Variants in INPP5A observed in about 807,000 individuals in gnomAD.
The protein encoded by INPP5A is 43 kDa inositol polyphosphate 5-phophatase.
Under a neutral mutation model 65.2 loss-of-function variants are expected in INPP5A, and 14 were observed. The ratio of observed to expected loss-of-function variants is 0.21; its 90% CI spans 0.14 to 0.34. The LOEUF is 0.34. INPP5A is among the 10% of genes least tolerant of loss of function. The pLI is 1.00. For synonymous variants in INPP5A, 207 were observed against 208.3 expected, an observed-to-expected ratio of 0.99 and a Z score of 0.05; for missense variants, 431 against 545.6, an observed-to-expected ratio of 0.79 and a Z score of 2.09.
chr10:132,752,715 G>A lies in INPP5A; in HGVS notation c.903+2870G>A, dbSNP rs899043002. Among the ~76,000 whole-genome samples, 12 of 151,120 alleles carry A rather than the reference G, an allele frequency of 7.9e-5. No homozygotes were observed. The South Asian group carries it at 2.5e-3, about 32-fold the overall frequency. The stretch of plus-strand genomic sequence containing the variant: ...ATGGAGGGGGTGCGGCGTGGAGGCG[G>A]TGCGGCATGGAGGGGTGTGTCTAGA... On this transcript the variant is annotated intron_variant, in intron 11 of 15. Coordinates refer to ENST00000368594, the MANE Select transcript of INPP5A (RefSeq NM_005539.5).
intron 11 of INPP5A, 120 bp from the exon 12 acceptor site, chr10:132,765,650 TGGC>T: frequency 1.5e-6 from 1 of 672,916 alleles, no homozygotes; most frequent in South Asian, 1.7e-5. Context: ...GTGACAGATG[TGGC>T]GGCTCTGGGA....
chr10:132,731,658 CTGGGAGTGGGGG>C (rs1846088543), intron 9 of INPP5A, among the ~76,000 whole-genome samples: 1 of 152,196 alleles, frequency 6.6e-6, no homozygotes, highest in South Asian at 2.1e-4. Context: ...GTTGCATCTG[CTGGGAGTGGGGG>C]CTCTCCAGCC....
rs552569495 is a variant in INPP5A, at chr10:132,651,083, C to T, written c.306+578C>T. Among the ~76,000 whole-genome samples the T allele has an allele frequency of 1.1e-3, 174 of 152,240 alleles. No individual in the cohort carries two copies. Among genetic ancestry groups the T allele is most frequent in the African/African-American group, 2.8e-3 (117 of 41,554 alleles). On this transcript the variant is annotated intron_variant, in intron 4 of 15. Coordinates refer to ENST00000368594, the MANE Select transcript of INPP5A (RefSeq NM_005539.5). This position sits in a 1 kb window ranked among gnomAD's most constrained non-coding sequence, Gnocchi z 5.0. Reference sequence around the variant, plus strand: ...CACATGAGAGGGTGGCCCTGGTGGACGTGGCAGCCACAGAGATACAGGCAC... The same window carrying T: ...CACATGAGAGGGTGGCCCTGGTGGATGTGGCAGCCACAGAGATACAGGCAC...
At chr10:132,645,737 C>G in intron 2 of INPP5A, 131 bp from the exon 3 acceptor site, 1 of 621,236 alleles carries the variant, frequency 1.6e-6, no homozygotes, top group East Asian at 2.8e-5. Context: ...AACCCATGGT[C>G]GCAGACATGG....
chr10:132,705,261 G>A lies in INPP5A; in HGVS notation c.475-3052G>A, dbSNP rs1193467042. On this transcript the variant is annotated intron_variant, in intron 6 of 15. Coordinates refer to ENST00000368594, the MANE Select transcript of INPP5A (RefSeq NM_005539.5). The surrounding 1 kb of genome is among the most constrained non-coding windows in gnomAD (Gnocchi z 4.9). ...AAATGGCCTCCCCGAGAGAGGAGGC[G>A]GACATGTTTGGAATCAGAGACAAGT... Among the ~76,000 whole-genome samples the A allele has an allele frequency of 6.6e-6, 1 of 152,192 alleles. No homozygotes were observed. Among genetic ancestry groups the A allele is most frequent in the Non-Finnish European group, 1.5e-5 (1 of 68,040 alleles).
intron 1 of INPP5A, among the ~76,000 whole-genome samples, chr10:132,564,846 C>T (rs2071253817): frequency 6.6e-6 from 1 of 152,058 alleles, no homozygotes; most frequent in Non-Finnish European, 1.5e-5. Flanking sequence ...CTTATTCATG[C>T]AGCACGTGTC....
chr10:132,583,445 G>A (rs1288010320), intron 1 of INPP5A, among the ~76,000 whole-genome samples: 1 of 152,196 alleles, frequency 6.6e-6, no homozygotes, highest in Middle Eastern at 3.4e-3. Flanking sequence ...CGGGTGAGTC[G>A]GCGTGGGGAG....
In INPP5A at chr10:132,575,379, C is replaced by A. The variant is rs995196438; in HGVS notation, c.76-32536C>A. 1.2e-4 allele frequency among the ~76,000 whole-genome samples: 18 copies of A among 152,310 alleles called. No homozygotes were observed. The highest frequency in any genetic ancestry group is 3.9e-4 in the African/African-American group (16 of 41,540). ...ATGTGGCTAGCCTGCTCCCAGCCCCCCGCAGCTCACAGGGTCAGGATGGGA... is the reference window on the plus strand; with the variant it reads ...ATGTGGCTAGCCTGCTCCCAGCCCCACGCAGCTCACAGGGTCAGGATGGGA... On this transcript the variant is annotated intron_variant, in intron 1 of 15. Coordinates refer to ENST00000368594, the MANE Select transcript of INPP5A (RefSeq NM_005539.5). This position sits in a 1 kb window ranked among gnomAD's most constrained non-coding sequence, Gnocchi z 5.4.
chr10:132,758,278 C>T (rs1454669427), intron 11 of INPP5A, among the ~76,000 whole-genome samples: 1 of 114,738 alleles, frequency 8.7e-6, no homozygotes, highest in Non-Finnish European at 1.9e-5. Flanking sequence ...GGTCCCCGGC[C>T]GACCCCACAG....
At chr10:132,755,521 AGT>A (rs769421661) in intron 11 of INPP5A, among the ~76,000 whole-genome samples, 16 of 101,202 alleles carry the variant, frequency 1.6e-4, no homozygotes, top group African/African-American at 5.0e-4. Context: ...GGTGTGAGCG[AGT>A]GTGTGAGCAG....
Position 132,727,110 on chromosome 10 carries a change from A to C in INPP5A, c.732+205A>C, listed in dbSNP as rs1233515923. On this transcript the variant is annotated intron_variant, in intron 9 of 15. Coordinates refer to ENST00000368594, the MANE Select transcript of INPP5A (RefSeq NM_005539.5). This position sits in a 1 kb window ranked among gnomAD's most constrained non-coding sequence, Gnocchi z 6.5. ...TGGAATCCGGGGTGCGCGGGCCCTC[A>C]AGGTTGCCCCGGATGGCGGGTGACA... 1 of 425,080 alleles carries C rather than the reference A, an allele frequency of 2.4e-6. No homozygotes were observed. The allele number at this position is 425,080 out of a possible 1,614,324, so 26.3% of individuals were successfully genotyped here. A position where few individuals can be genotyped will look rare whatever the true frequency, so the allele number is the denominator to read the frequency against.
At chr10:132,634,061 A>G (rs184745137) in intron 2 of INPP5A, among the ~76,000 whole-genome samples, 1 of 152,366 alleles carries the variant, frequency 6.6e-6, no homozygotes, top group African/African-American at 2.4e-5. Context: ...GTAGCTTTAT[A>G]TCTAAAAAGA....
intron 1 of INPP5A, among the ~76,000 whole-genome samples, chr10:132,539,951 G>A (rs548701689): frequency 2.0e-4 from 30 of 152,294 alleles, no homozygotes; most frequent in African/African-American, 7.2e-4. Context: ...GGGAGGAACT[G>A]GTTTTCCTCA....
chr10:132,688,277 C>CT (rs1845174569), intron 4 of INPP5A, among the ~76,000 whole-genome samples: 1 of 152,218 alleles, frequency 6.6e-6, no homozygotes, highest in African/African-American at 2.4e-5. Flanking sequence ...CCCTGCGCCT[C>CT]TGAGGGAGCA....
At chr10:132,657,203 TG>T (rs1369678731) in intron 4 of INPP5A, among the ~76,000 whole-genome samples, 2 of 152,166 alleles carry the variant, frequency 1.3e-5, no homozygotes, top group Non-Finnish European at 2.9e-5. Context: ...CTGGGCAGAG[TG>T]GCCACAGCAC....
chr10:132,690,363 C>G (rs376898602), intron 4 of INPP5A, 29 bp from the exon 5 acceptor site: 2 of 1,425,052 alleles, frequency 1.4e-6, no homozygotes, highest in Non-Finnish European at 2.0e-6. Context: ...GCACCAGTCT[C>G]TCATTTGATT....
intron 1 of INPP5A, among the ~76,000 whole-genome samples, chr10:132,607,096 T>C (rs1044655759): frequency 5.9e-5 from 9 of 152,176 alleles, no homozygotes; most frequent in Non-Finnish European, 1.2e-4. Flanking sequence ...CTCTTGGGTT[T>C]GAATGGCTGT....
intron 9 of INPP5A, among the ~76,000 whole-genome samples, chr10:132,739,883 C>T (rs1466759068): frequency 4.6e-5 from 7 of 152,124 alleles, no homozygotes; most frequent in African/African-American, 1.2e-4. Flanking sequence ...TCCGTTGGCC[C>T]GTGTATGTTT....
intron 4 of INPP5A, among the ~76,000 whole-genome samples, chr10:132,667,217 C>T (rs1440181415): frequency 6.6e-6 from 1 of 152,226 alleles, no homozygotes; most frequent in East Asian, 1.9e-4. Context: ...TTGTCTAAGC[C>T]GCAGCCCCTT....
Sources: gnomAD v4.1 joint callset for allele counts (sites outside exome capture counted in the v4.1 genomes callset) on GRCh38, gnomAD v4.1.1 for gene constraint, Gnocchi (gnomAD v3.1) non-coding constraint, MANE v1.5 for transcripts, NCBI Gene and HGNC (gene_info 2026-07-23, HGNC 2026-07-21) for gene names.